The following CSF2RB variants were observed in gnomAD, a reference collection of about 807,000 sequenced individuals.
CSF2RB encodes colony stimulating factor 2 receptor subunit beta, also known as cytokine receptor common subunit beta.
In CSF2RB, 22 loss-of-function variants were observed where a neutral mutation model predicts 67.2. That is an observed-to-expected ratio of 0.33 (90% CI 0.23 to 0.47). CSF2RB has a LOEUF of 0.47. CSF2RB is among the 20% of genes least tolerant of loss of function. The pLI, the probability that CSF2RB is intolerant of heterozygous loss-of-function variation, is 1.00. For synonymous variants in CSF2RB, 507 were observed against 482.9 expected (o/e 1.05, Z -0.65); for missense variants, 1,113 against 1,174.5 (o/e 0.95, Z 0.76).
Position 36,935,707 on chromosome 22 carries a change from G to C in CSF2RB, c.1464+20G>C, listed in dbSNP as rs373776410. ...TTCCAGGTAGGAACTGGCTGCGAGG[G>C]GCGGAGTGGGGGCTTCTCTGTTCCT... is the stretch of plus-strand genomic sequence containing the variant. On this transcript the variant is annotated intron_variant, in intron 12 of 13. Transcript: ENST00000403662. 3.1e-6 allele frequency: 5 copies of C among 1,609,482 alleles called. No homozygotes were observed. Among genetic ancestry groups the C allele is most frequent in the Non-Finnish European group, 4.2e-6 (5 of 1,178,118 alleles).
chr22:36,931,040 C>G (rs1421049837), intron 8 of CSF2RB, among the ~76,000 whole-genome samples: 1 of 152,226 alleles, frequency 6.6e-6, no homozygotes, highest in South Asian at 2.1e-4. Context: ...AACCTCTGAT[C>G]TCTTGTCCTT....
Position 36,930,523 on chromosome 22 carries a change from T to C in CSF2RB, c.854+13T>C, listed in dbSNP as rs748497720. ...GCCCAGATGCAGGGTGAGCATCTTTTTTCTCCATCCCCTCCCCTCCTCTTG... is the reference window on the plus strand; with the variant it reads ...GCCCAGATGCAGGGTGAGCATCTTTCTTCTCCATCCCCTCCCCTCCTCTTG... On this transcript the variant is annotated intron_variant, in intron 7 of 13. Coordinates refer to ENST00000403662, the MANE Select transcript of CSF2RB (RefSeq NM_000395.3). The C allele has an allele frequency of 3.7e-6, 6 of 1,613,000 alleles. No individual in the cohort carries two copies. In the South Asian group the frequency reaches 6.6e-5, roughly 18 times the overall value.
At position 36,938,401 on chromosome 22, in the gene CSF2RB, G is replaced by A. The variant is rs748290264; in HGVS notation, c.2593G>A (p.Val865Met). The A allele has an allele frequency of 2.5e-6, 4 of 1,614,168 alleles. No homozygotes were observed. Among genetic ancestry groups the A allele is most frequent in the East Asian group, 2.2e-5 (1 of 44,882 alleles). ...FQVKKPPGQA[V>M]PQVPVIQLFK... ...AGTCAAGAAGCCCCCAGGCCAGGCT[G>A]TGCCCCAGGTGCCCGTCATTCAGCT... The change falls in exon 14 of 14, where the codon GTG becomes ATG. Residue 865 changes from valine to methionine, a missense_variant. Physicochemically the swap from Val to Met is conservative, Grantham distance 21. Around this residue, in one of 2 missense-constraint regions of CSF2RB, gnomAD observed 554 missense variants for 517.9 expected, o/e 1.07. Coordinates refer to ENST00000403662, the MANE Select transcript of CSF2RB (RefSeq NM_000395.3).
intron 1 of CSF2RB, among the ~76,000 whole-genome samples, chr22:36,917,104 A>G (rs997050941): frequency 1.3e-5 from 2 of 152,136 alleles, no homozygotes; most frequent in Non-Finnish European, 2.9e-5. Flanking sequence ...TTCATTTGCC[A>G]GGGTTTGTTT....
At position 36,938,019 on chromosome 22, in the gene CSF2RB, C is replaced by G. The variant is rs898872459; in HGVS notation, c.2211C>G (p.Pro737=). The G allele has an allele frequency of 9.3e-6, 15 of 1,613,998 alleles. No homozygotes were observed. Among genetic ancestry groups the G allele is most frequent in the Non-Finnish European group, 1.3e-5 (15 of 1,180,012 alleles). ...SVSLVPSLGL[P]SDQTPSLCPG... ...CCCTAGTTCCCTCTCTGGGCCTCCC[C>G]TCAGACCAGACCCCCAGCTTATGTC... The change falls in exon 14 of 14, where the codon CCC becomes CCG. Residue 737 remains proline, a synonymous_variant. Transcript: ENST00000403662.
chr22:36,922,879 C>G (rs929843062), intron 2 of CSF2RB: 1 of 374,376 alleles, frequency 2.7e-6, no homozygotes, highest in Non-Finnish European at 5.1e-6. Flanking sequence ...ACGCTGCATC[C>G]CAGGGCTGAG....
At position 36,933,826 on chromosome 22, in the gene CSF2RB, C is replaced by A; in HGVS notation, c.1153-6C>A. ...GCCAGGCCTCACCCTCAGTGCCAAC[C>A]CACAGGACAGCAAGACCGAGACCCT... On this transcript the variant is annotated splice_polypyrimidine_tract_variant and splice_region_variant and intron_variant, in intron 9 of 13. Coordinates refer to ENST00000403662, the MANE Select transcript of CSF2RB (RefSeq NM_000395.3). The A allele has an allele frequency of 6.2e-7, 1 of 1,605,016 alleles. No homozygotes were observed. The highest frequency in any genetic ancestry group is 8.5e-7 in the Non-Finnish European group (1 of 1,178,518).
intron 2 of CSF2RB, 145 bp downstream of exon 2, chr22:36,922,428 G>C: frequency 1.4e-6 from 1 of 731,298 alleles, no homozygotes; most frequent in Non-Finnish European, 2.4e-6. Context: ...CCTTCCCTGG[G>C]CCTCCCCCGC....
At chr22:36,923,585 C>T (rs766129395) in intron 3 of CSF2RB, among the ~76,000 whole-genome samples, 6 of 152,194 alleles carry the variant, frequency 3.9e-5, no homozygotes, top group Non-Finnish European at 8.8e-5. Flanking sequence ...GGAGTGCCTC[C>T]TACACTGATG....
Position 36,923,265 on chromosome 22 carries a change from T to C in CSF2RB, c.98T>C (p.Leu33Pro), listed in dbSNP as rs1180673798. The change falls in exon 3 of 14, where the codon CTG becomes CCG. Residue 33 changes from leucine to proline, a missense_variant. Transcript: ENST00000403662. Reference sequence around the variant, plus strand: ...TCAGAAACCATCCCGCTGCAGACCCTGCGCTGCTACAACGACTACACCAGC... The same window carrying C: ...TCAGAAACCATCCCGCTGCAGACCCCGCGCTGCTACAACGACTACACCAGC... ...GAEETIPLQT[L>P]RCYNDYTSHI... The C allele has an allele frequency of 6.2e-7, 1 of 1,614,026 alleles. No individual in the cohort carries two copies. Among genetic ancestry groups the C allele is most frequent in the African/African-American group, 1.3e-5 (1 of 74,916 alleles).
intron 1 of CSF2RB, among the ~76,000 whole-genome samples, chr22:36,919,465 G>A (rs1292025105): frequency 6.6e-6 from 1 of 151,934 alleles, no homozygotes; most frequent in Non-Finnish European, 1.5e-5. Context: ...CCATGGCAAC[G>A]GTCTCAGCTC....
In CSF2RB at chr22:36,926,129, C is replaced by T; in HGVS notation, c.343C>T (p.Pro115Ser). ...TGACGTTGACTACTTCTCATTCCAA[C>T]CAGACAGGCCTCTGGGCACCCGGCT... ...VTDVDYFSFQ[P>S]DRPLGTRLTV... The change falls in exon 4 of 14, where the codon CCA (proline) becomes TCA (serine). Residue 115 changes from proline (P) to serine (S), a missense_variant. Physicochemically the swap from Pro to Ser is moderately conservative, Grantham distance 74. Coordinates refer to ENST00000403662, the MANE Select transcript of CSF2RB (RefSeq NM_000395.3). 6.2e-7 allele frequency: 1 copy of T among 1,614,230 alleles called. No individual in the cohort carries two copies. The highest frequency in any genetic ancestry group is 8.5e-7 in the Non-Finnish European group (1 of 1,180,038).
chr22:36,932,950 G>A, intron 9 of CSF2RB, 46 bp downstream of exon 9: 1 of 1,609,894 alleles, frequency 6.2e-7, no homozygotes, highest in Non-Finnish European at 8.5e-7. Flanking sequence ...GGGAGGGCGG[G>A]AGAAGGGAAA....
Position 36,938,677 on chromosome 22 carries a change from C to A in CSF2RB, c.*175C>A, listed in dbSNP as rs747438174. On this transcript the variant is annotated 3_prime_UTR_variant, in exon 14 of 14. Coordinates refer to ENST00000403662, the MANE Select transcript of CSF2RB (RefSeq NM_000395.3). ...TTGACCTTCAGCAAATCACTTCTCT[C>A]CCTGCGCTCACACAGACACACACAC... The A allele has an allele frequency of 3.4e-5, 22 of 637,976 alleles. No individual in the cohort carries two copies. Among genetic ancestry groups the A allele is most frequent in the Non-Finnish European group, 5.6e-5 (21 of 372,862 alleles). 39.5% of individuals were successfully genotyped at this position (637,976 alleles called of 1,614,324 possible).
rs1941101340 is a variant in CSF2RB, at chr22:36,929,502, G to A, written c.492G>A (p.Leu164=). Reference sequence around the variant, plus strand: ...TTGGGAGTCCCCAGAGCCACTGGTTGTCCCCAGGGGATCTGGAGTTTGAGG... The same window carrying A: ...TTGGGAGTCCCCAGAGCCACTGGTTATCCCCAGGGGATCTGGAGTTTGAGG... The part of the protein sequence containing the change: ...VALGSPQSHW[L]SPGDLEFEVV... Residue 164 remains leucine, a synonymous_variant, in exon 5 of 14, where the codon TTG becomes TTA. Coordinates refer to ENST00000403662, the MANE Select transcript of CSF2RB (RefSeq NM_000395.3). 6.2e-7 allele frequency: 1 copy of A among 1,614,210 alleles called. No individual in the cohort carries two copies. The highest frequency in any genetic ancestry group is 8.5e-7 in the Non-Finnish European group (1 of 1,180,038).
At chr22:36,919,503 G>A (rs1940801348) in intron 1 of CSF2RB, among the ~76,000 whole-genome samples, 1 of 151,812 alleles carries the variant, frequency 6.6e-6, no homozygotes, top group Admixed American at 6.6e-5. Context: ...CCAGGTTCAA[G>A]CAATTCTCCT....
At chr22:36,917,527 G>A (rs1940748679) in intron 1 of CSF2RB, among the ~76,000 whole-genome samples, 1 of 152,002 alleles carries the variant, frequency 6.6e-6, no homozygotes, top group Non-Finnish European at 1.5e-5. Flanking sequence ...TCCTTTCTCT[G>A]TCCCTCCCAT....
chr22:36,933,237 C>T (rs1315291369), intron 9 of CSF2RB, among the ~76,000 whole-genome samples: 2 of 152,206 alleles, frequency 1.3e-5, no homozygotes, highest in African/African-American at 4.8e-5. Flanking sequence ...GGGTTATTTC[C>T]TCAGAGGAAT....
chr22:36,931,034 T>C (rs1185456203), intron 8 of CSF2RB, among the ~76,000 whole-genome samples: 2 of 152,194 alleles, frequency 1.3e-5, no homozygotes, highest in African/African-American at 2.4e-5. Flanking sequence ...CTTTAAAACC[T>C]CTGATCTCTT....
Sources: gnomAD v4.1 joint callset for allele counts (sites outside exome capture counted in the v4.1 genomes callset) on GRCh38, gnomAD v4.1.1 for gene constraint, gnomAD v4.1.1 regional missense constraint, MANE v1.5 for transcripts, NCBI Gene and HGNC (gene_info 2026-07-23, HGNC 2026-07-21) for gene names.